DIDO1: variants seen among roughly 807,000 people sequenced by gnomAD.
The protein encoded by DIDO1 is death inducer-obliterator 1, also known as death-inducer obliterator 1.
In DIDO1, 16 loss-of-function variants were observed where a neutral mutation model predicts 99.4. That is an observed-to-expected ratio of 0.16 (90% confidence interval 0.11 to 0.24). The LOEUF (loss-of-function observed/expected upper bound fraction) is 0.24, where lower values mean the gene tolerates loss of function less well. Among genes scored for constraint, DIDO1 ranks in the 10% least tolerant of loss-of-function variants. The pLI, the probability that DIDO1 is intolerant of heterozygous loss-of-function variation, is 1.00. For synonymous variants in DIDO1, 1,366 were observed against 1,239.1 expected (o/e 1.10, Z -2.15); for missense variants, 2,996 against 3,014.0 (o/e 0.99, Z 0.14).
At chr20:62,934,447 GGCTCTT>G (rs936856688) in intron 1 of DIDO1, among the ~76,000 whole-genome samples, 2 of 152,112 alleles carry the variant, frequency 1.3e-5, no homozygotes, top group Non-Finnish European at 2.9e-5. Context: ...CATACTTCCA[GGCTCTT>G]CTCTGGCGTT....
At chr20:62,931,336 G>C (rs139033968), upstream of DIDO1, among the ~76,000 whole-genome samples, 1 of 152,268 alleles carries the variant, frequency 6.6e-6, no homozygotes, top group African/African-American at 2.4e-5. Flanking sequence ...TTTCTCTAAG[G>C]TGTCTAAGTT....
In DIDO1 at chr20:62,926,453, G is replaced by C. The variant is rs1249306941; in HGVS notation, c.-214C>G. 6.6e-6 allele frequency: 1 copy of C among 151,878 alleles called. No homozygotes were observed. Among genetic ancestry groups the C allele is most frequent in the Non-Finnish European group, 1.5e-5 (1 of 67,932 alleles). The allele number at this position is 151,878 out of a possible 1,614,324, so 9.4% of individuals were successfully genotyped here. ...TTACCGCAGGCCGCAGGCCTCTAGG[G>C]TCTCGCAGCCATTTCCCCGAACGCC... On this transcript the variant is annotated 5_prime_UTR_variant, in exon 1 of 16. Transcript: ENST00000395343.
chr20:62,932,025 G>A (rs1474453452), intron 1 of DIDO1, among the ~76,000 whole-genome samples: 1 of 152,194 alleles, frequency 6.6e-6, no homozygotes, highest in Non-Finnish European at 1.5e-5. Context: ...GTTTCCAAAA[G>A]ACACCCAAAT....
At chr20:62,925,590 T>G (rs959662796) in intron 1 of DIDO1, among the ~76,000 whole-genome samples, 1 of 152,220 alleles carries the variant, frequency 6.6e-6, no homozygotes, top group African/African-American at 2.4e-5. Context: ...AAGCTACTGC[T>G]ACCTGTGGCC....
At position 62,910,981 on chromosome 20, in the gene DIDO1, C is replaced by A. The variant is rs573654966; in HGVS notation, c.632G>T (p.Gly211Val). Residue 211 changes from glycine (G) to valine (V), a missense_variant, in exon 3 of 16, where the codon GGC becomes GTC. Physicochemically the swap from Gly to Val is moderately radical, Grantham distance 109. This residue lies in a region of DIDO1 where 388 missense variants were observed against 376.6 expected (regional missense o/e 1.03). Coordinates refer to ENST00000395343, the MANE Select transcript of DIDO1 (RefSeq NM_001193369.2). ...GGGCTCCTGCTTACTGGGCAGGACG[C>A]CCTCCACAGTGTCACTGGCCTCGGA... ...VGSEASDTVE[G>V]VLPSKQEPEN... The A allele has an allele frequency of 1.9e-5, 31 of 1,614,106 alleles. No individual in the cohort carries two copies. The South Asian group carries it at 2.1e-4, about 11-fold the overall frequency.
intron 13 of DIDO1, 113 bp from the exon 14 acceptor site, chr20:62,892,189 C>G: frequency 1.1e-6 from 1 of 873,812 alleles, no homozygotes; most frequent in Non-Finnish European, 1.7e-6. Context: ...TACAGCTATT[C>G]CAAGGAAAAG....
chr20:62,907,223 T>C lies in DIDO1; in HGVS notation c.1298A>G (p.Lys433Arg). 1 of 1,614,272 alleles carries C rather than the reference T, an allele frequency of 6.2e-7. No individual in the cohort carries two copies. The highest frequency in any genetic ancestry group is 8.5e-7 in the Non-Finnish European group (1 of 1,180,052). ...AATMKFLSSG[K>R]EQKPKPKEKM... is the part of the protein sequence containing the mutation. ...TTCTTTAGGCTTTGGCTTCTGTTCT[T>C]TACCTGAGCTTAGAAACTTCATTGT... Residue 433 changes from lysine to arginine, a missense_variant, in exon 5 of 16, where the codon AAA becomes AGA. By Grantham distance (26) the Lys-to-Arg change is conservative. Coordinates refer to ENST00000395343, the MANE Select transcript of DIDO1 (RefSeq NM_001193369.2).
At position 62,894,563 on chromosome 20, in the gene DIDO1, G is replaced by C; in HGVS notation, c.2437-15C>G. 1 of 1,593,494 alleles carries C rather than the reference G, an allele frequency of 6.3e-7. No individual in the cohort carries two copies. The highest frequency in any genetic ancestry group is 8.5e-7 in the Non-Finnish European group (1 of 1,173,800). The stretch of plus-strand genomic sequence containing the variant: ...TCTTGCTGTTCCTAAAAAAGAAAAA[G>C]AAAAAAAAGTGAGGTCGTTTCTTCT... On this transcript the variant is annotated splice_polypyrimidine_tract_variant and intron_variant, in intron 10 of 15. Coordinates refer to ENST00000395343, the MANE Select transcript of DIDO1 (RefSeq NM_001193369.2). This position sits in a 1 kb window ranked among gnomAD's most constrained non-coding sequence, Gnocchi z 4.4.
chr20:62,918,467 A>C (rs921689011), intron 1 of DIDO1, among the ~76,000 whole-genome samples: 2 of 152,256 alleles, frequency 1.3e-5, no homozygotes, highest in African/African-American at 4.8e-5. Context: ...CAAAAACTTG[A>C]GACTAGTTTC....
Position 62,881,447 on chromosome 20 carries a change from C to T in DIDO1, c.4509G>A (p.Gln1503=), listed in dbSNP as rs760003260. Residue 1503 remains glutamine (Q), a synonymous_variant, in exon 16 of 16, where the codon CAG becomes CAA. Transcript: ENST00000395343. The surrounding 1 kb of genome is among the most constrained non-coding windows in gnomAD (Gnocchi z 8.3). ...LEEQEEALRQ[Q]RAAVGVSMAH... ...CCATGGAGACCCCGACGGCGGCCCT[C>T]TGCTGCCTGAGAGCTTCTTCTTGCT... 1.2e-6 allele frequency: 2 copies of T among 1,609,494 alleles called. No individual in the cohort carries two copies. The highest frequency in any genetic ancestry group is 1.3e-5 in the African/African-American group (1 of 75,056).
rs146492770 is a variant in DIDO1, at chr20:62,917,651, A to G, written c.-199-3245T>C. ...CGTGGGGATGCAGCAGAAGCTTTATATATAACTTGACATTTAATCACAGCG... is the reference window on the plus strand; with the variant it reads ...CGTGGGGATGCAGCAGAAGCTTTATGTATAACTTGACATTTAATCACAGCG... On this transcript the variant is annotated intron_variant, in intron 1 of 15. Coordinates refer to ENST00000395343, the MANE Select transcript of DIDO1 (RefSeq NM_001193369.2). Among the ~76,000 whole-genome samples, 245 of 152,314 alleles carry G rather than the reference A, an allele frequency of 1.6e-3. 3 individuals are homozygous for G. The highest frequency in any genetic ancestry group is 5.5e-3 in the African/African-American group (230 of 41,550).
Position 62,879,361 on chromosome 20 carries a change from G to C in DIDO1, c.6595C>G (p.Arg2199Gly), listed in dbSNP as rs1342399303. ...CGCTCCCTGTCCCTGGCCTTGTCTCGGTCCCGCTCTCTGCTCCGGGACCGG... is the reference window on the plus strand; with the variant it reads ...CGCTCCCTGTCCCTGGCCTTGTCTCCGTCCCGCTCTCTGCTCCGGGACCGG... ...RDRSRSRERD[R>G]DKARDRERGR... The change falls in exon 16 of 16, where the codon CGA (arginine) becomes GGA (glycine). Residue 2199 changes from arginine (R) to glycine (G), a missense_variant. By Grantham distance (125) the Arg-to-Gly change is moderately radical. Transcript: ENST00000395343. This position sits in a 1 kb window ranked among gnomAD's most constrained non-coding sequence, Gnocchi z 6.3. The C allele has an allele frequency of 1.3e-6, 2 of 1,549,228 alleles. No individual in the cohort carries two copies. Among genetic ancestry groups the C allele is most frequent in the East Asian group, 4.9e-5 (2 of 41,044 alleles).
At position 62,911,107 on chromosome 20, in the gene DIDO1, C is replaced by T. The variant is rs2064926783; in HGVS notation, c.506G>A (p.Arg169His). ...LTLKELQNRL[R>H]RKREQEPTER... is the part of the protein sequence containing the mutation. ...AGTGGGCTCCTGTTCCCGCTTCCTG[C>T]GAAGGCGATTCTGAAGCTCTTTCAA... The change falls in exon 3 of 16, where the codon CGC becomes CAC. Residue 169 changes from arginine to histidine, a missense_variant. Around this residue, in one of 5 missense-constraint regions of DIDO1, gnomAD observed 388 missense variants for 376.6 expected, o/e 1.03. Transcript: ENST00000395343. The surrounding 1 kb of genome is among the most constrained non-coding windows in gnomAD (Gnocchi z 7.0). 1.2e-6 allele frequency: 2 copies of T among 1,614,012 alleles called. No individual in the cohort carries two copies. Among genetic ancestry groups the T allele is most frequent in the South Asian group, 1.1e-5 (1 of 91,084 alleles).
chr20:62,917,200 G>C (rs1457718290), intron 1 of DIDO1, among the ~76,000 whole-genome samples: 1 of 151,580 alleles, frequency 6.6e-6, no homozygotes, highest in African/African-American at 2.4e-5. Flanking sequence ...GGTAATTTTT[G>C]CATTTTTTTT....
intron 15 of DIDO1, chr20:62,889,855 AAAT>A (rs1395224778): frequency 2.0e-6 from 2 of 985,348 alleles, no homozygotes; most frequent in African/African-American, 3.5e-5. Flanking sequence ...TTTAACCCTG[AAAT>A]TACTGATACC....
At chr20:62,909,282 G>A (rs1433177321) in intron 4 of DIDO1, among the ~76,000 whole-genome samples, 3 of 152,196 alleles carry the variant, frequency 2.0e-5, no homozygotes, top group Non-Finnish European at 4.4e-5. Context: ...AACATCAGGG[G>A]GAGAGAATTA....
At chr20:62,892,598 T>C (rs977233041) in intron 13 of DIDO1, among the ~76,000 whole-genome samples, 1 of 152,160 alleles carries the variant, frequency 6.6e-6, no homozygotes, top group Non-Finnish European at 1.5e-5. Context: ...TTTCCGACCC[T>C]GTCCAAACTG....
At chr20:62,886,629 G>A (rs141968011) in intron 15 of DIDO1, among the ~76,000 whole-genome samples, 87 of 152,188 alleles carry the variant, frequency 5.7e-4, no homozygotes, top group African/African-American at 2.0e-3. Flanking sequence ...GCAGGAAGAC[G>A]CTCCTTCTTA....
At chr20:62,884,814 ACTCT>A (rs1003861994) in intron 15 of DIDO1, among the ~76,000 whole-genome samples, 1 of 151,160 alleles carries the variant, frequency 6.6e-6, no homozygotes, top group African/African-American at 2.4e-5. Flanking sequence ...CCTCCTCTTC[ACTCT>A]CTGTCCCCCG....
Sources: gnomAD v4.1 joint callset for allele counts (sites outside exome capture counted in the v4.1 genomes callset) on GRCh38, gnomAD v4.1.1 for gene constraint, gnomAD v4.1.1 regional missense constraint, Gnocchi (gnomAD v3.1) non-coding constraint, MANE v1.5 for transcripts, NCBI Gene and HGNC (gene_info 2026-07-23, HGNC 2026-07-21) for gene names.